SFXN1: variants seen among roughly 807,000 people sequenced by gnomAD.
SFXN1 encodes sideroflexin-1.
In SFXN1, 32 loss-of-function variants were observed where a neutral mutation model predicts 39.5. The ratio of observed to expected loss-of-function variants is 0.81; its 90% confidence interval spans 0.61 to 1.09. SFXN1 has a LOEUF of 1.09. Ranked by LOEUF, SFXN1 falls within the 50% of genes least tolerant of loss-of-function variation. The probability of loss-of-function intolerance (pLI) is 0.00; values close to 1 mark genes in which losing one functional copy is unlikely to be tolerated. For missense variants in SFXN1, 402 were observed against 407.1 expected (o/e 0.99, Z 0.11); for synonymous variants, 136 against 146.5 (o/e 0.93, Z 0.52).
At position 175,527,987 on chromosome 5, in the gene SFXN1, T is replaced by G. The variant is rs1184953235; in HGVS notation, c.*1253T>G. The G allele has an allele frequency of 6.7e-6, 1 of 149,370 alleles. No homozygotes were observed. Among genetic ancestry groups the G allele is most frequent in the African/African-American group, 2.5e-5 (1 of 40,164 alleles). The allele number at this position is 149,370 out of a possible 1,614,324, so 9.3% of individuals were successfully genotyped here. On this transcript the variant is annotated 3_prime_UTR_variant, in exon 11 of 11. Coordinates refer to ENST00000321442, the MANE Select transcript of SFXN1 (RefSeq NM_022754.7). Reference sequence around the variant, plus strand: ...CAGGCTGGAGTGCAGTGGCGTAGTCTCGGCTCACTGCAAGCTCCGCCTCCC... The same window carrying G: ...CAGGCTGGAGTGCAGTGGCGTAGTCGCGGCTCACTGCAAGCTCCGCCTCCC...
At chr5:175,498,925 C>T (rs1234884055) in intron 2 of SFXN1, among the ~76,000 whole-genome samples, 1 of 152,144 alleles carries the variant, frequency 6.6e-6, no homozygotes, top group East Asian at 1.9e-4. Context: ...GGCCAGATGG[C>T]TTTACACAGG....
intron 2 of SFXN1, among the ~76,000 whole-genome samples, chr5:175,499,935 T>A: frequency 6.6e-6 from 1 of 152,242 alleles, no homozygotes; most frequent in East Asian, 1.9e-4. Context: ...ATGCCTGTAA[T>A]CCCAGCACTC....
intron 7 of SFXN1, among the ~76,000 whole-genome samples, chr5:175,514,435 G>T (rs572636126): frequency 2.0e-5 from 3 of 152,134 alleles, no homozygotes; most frequent in Non-Finnish European, 4.4e-5. Flanking sequence ...CAGACCAGGG[G>T]CCTAAAGAAA....
At chr5:175,492,741 C>T (rs545469877) in intron 2 of SFXN1, among the ~76,000 whole-genome samples, 259 of 152,276 alleles carry the variant, frequency 1.7e-3, no homozygotes, top group African/African-American at 5.4e-3. Context: ...GTGGCAATGC[C>T]TACAGGGAAT....
chr5:175,482,826 C>A (rs1759302716), intron 1 of SFXN1, among the ~76,000 whole-genome samples: 1 of 152,140 alleles, frequency 6.6e-6, no homozygotes, highest in Non-Finnish European at 1.5e-5. Context: ...ATTATATTTG[C>A]TTAAATCCGG....
chr5:175,526,602 C>T (rs1330940879), intron 10 of SFXN1, 36 bp from the exon 11 acceptor site: 1 of 1,559,312 alleles, frequency 6.4e-7, no homozygotes, highest in Non-Finnish European at 8.8e-7. Flanking sequence ...TCACCTCTGC[C>T]TGTGTAATAA....
chr5:175,518,237 A>G (rs1406348908), intron 8 of SFXN1, among the ~76,000 whole-genome samples: 2 of 152,118 alleles, frequency 1.3e-5, no homozygotes, highest in African/African-American at 4.8e-5. Flanking sequence ...AGTGAAATTG[A>G]TATGGTTTGG....
At chr5:175,511,863 C>CTGT (rs368468501) in intron 5 of SFXN1, among the ~76,000 whole-genome samples, 1 of 130,700 alleles carries the variant, frequency 7.7e-6, no homozygotes, top group African/African-American at 2.8e-5. Context: ...CTCTCTCTCT[C>CTGT]CCCACTCCAA....
intron 10 of SFXN1, among the ~76,000 whole-genome samples, chr5:175,525,577 T>G (rs1278247674): frequency 6.6e-6 from 1 of 152,232 alleles, no homozygotes; most frequent in Non-Finnish European, 1.5e-5. Context: ...TTTTTTAACC[T>G]TACAGTCTAT....
intron 8 of SFXN1, among the ~76,000 whole-genome samples, chr5:175,520,783 T>A (rs778986999): frequency 7.2e-5 from 11 of 152,178 alleles, no homozygotes; most frequent in Admixed American, 3.9e-4. Flanking sequence ...TAGGAAGCGC[T>A]GGGGAGTATT....
chr5:175,510,119 G>T lies in SFXN1; in HGVS notation c.346G>T (p.Ala116Ser). ...ATGCCTCTGTTTTAGGACTACGCCG[G>T]CTGTGCTGTTCTGGCAGTGGATTAA... ...CMMTFYRTTP[A>S]VLFWQWINQS... The change falls in exon 4 of 11, where the codon GCT becomes TCT. Residue 116 changes from alanine to serine, a missense_variant. Physicochemically the swap from Ala to Ser is moderately conservative, Grantham distance 99. Transcript: ENST00000321442. 6.2e-7 allele frequency: 1 copy of T among 1,612,178 alleles called. No homozygotes were observed. Among genetic ancestry groups the T allele is most frequent in the Non-Finnish European group, 8.5e-7 (1 of 1,179,148 alleles).
intron 7 of SFXN1, 182 bp downstream of exon 7, chr5:175,513,772 G>A (rs1015549258): frequency 2.8e-5 from 17 of 600,362 alleles, no homozygotes; most frequent in Non-Finnish European, 4.5e-5. Flanking sequence ...AGGGCAAGGG[G>A]GCAATGGGGC....
At chr5:175,511,704 A>G (rs1241615232) in intron 5 of SFXN1, 178 bp downstream of exon 5, 1 of 612,856 alleles carries the variant, frequency 1.6e-6, no homozygotes, top group Non-Finnish European at 2.9e-6. Context: ...AGTTGTCACC[A>G]GTAACACCTA....
At chr5:175,498,487 A>G (rs1018323291) in intron 2 of SFXN1, among the ~76,000 whole-genome samples, 15 of 152,346 alleles carry the variant, frequency 9.8e-5, no homozygotes, top group African/African-American at 3.4e-4. Flanking sequence ...GTTAACTACT[A>G]CATACACTGC....
chr5:175,505,735 G>A (rs1760269337), intron 2 of SFXN1, among the ~76,000 whole-genome samples: 1 of 152,042 alleles, frequency 6.6e-6, no homozygotes, highest in South Asian at 2.1e-4. Flanking sequence ...AAACACAATA[G>A]AAAGTCTAGA....
At chr5:175,484,813 A>G (rs1307392984) in intron 1 of SFXN1, among the ~76,000 whole-genome samples, 4 of 152,204 alleles carry the variant, frequency 2.6e-5, no homozygotes, top group African/African-American at 9.7e-5. Flanking sequence ...CTTCCACCTC[A>G]GTCTCCCAAG....
chr5:175,524,852 C>G (rs1373051470), intron 10 of SFXN1, among the ~76,000 whole-genome samples: 1 of 152,062 alleles, frequency 6.6e-6, no homozygotes, highest in African/African-American at 2.4e-5. Context: ...GTAGGTTCAG[C>G]AGTGATTAAA....
At chr5:175,511,325 T>C (rs973765079) in intron 4 of SFXN1, 126 bp from the exon 5 acceptor site, 3 of 721,510 alleles carry the variant, frequency 4.2e-6, no homozygotes, top group Non-Finnish European at 7.1e-6. Flanking sequence ...TAGTGAATGT[T>C]GTTTTGTAGA....
At position 175,486,195 on chromosome 5, in the gene SFXN1, C is replaced by G. The variant is rs1019627612; in HGVS notation, c.-9-5900C>G. On this transcript the variant is annotated intron_variant, in intron 1 of 10. Transcript: ENST00000321442. ...TATTTAAAGGAAAAAAGTGGGGGGG[C>G]CTCCAAGATATCATTTCTCTGCAGA... Among the ~76,000 whole-genome samples the G allele has an allele frequency of 7.3e-5, 11 of 151,634 alleles. No individual in the cohort carries two copies. The South Asian group carries it at 1.2e-3, about 17-fold the overall frequency.
Sources: allele counts gnomAD v4.1 joint callset (sites outside exome capture counted in the v4.1 genomes callset), GRCh38; gene constraint gnomAD v4.1.1; transcripts MANE v1.5; gene names NCBI Gene and HGNC (gene_info 2026-07-23, HGNC 2026-07-21).